The following RANBP2 variants were observed in gnomAD, a reference collection of about 807,000 sequenced individuals.
RANBP2 encodes E3 SUMO-protein ligase RanBP2.
RANBP2 carries 57 observed loss-of-function variants against 303.6 expected under a neutral mutation model. The observed-to-expected ratio is 0.19, with a 90% confidence interval of 0.15 to 0.23. The LOEUF is 0.23. Ranked by LOEUF, RANBP2 falls within the 10% of genes least tolerant of loss-of-function variation. RANBP2 has a pLI of 1.00. For synonymous variants in RANBP2, 1,167 were observed against 1,301.5 expected, an observed-to-expected ratio of 0.90 and a Z score of 2.23; for missense variants, 3,138 against 3,780.8, an observed-to-expected ratio of 0.83 and a Z score of 4.46.
chr2:108,723,372 C>G (rs1255084185), intron 1 of RANBP2, among the ~76,000 whole-genome samples: 1 of 151,756 alleles, frequency 6.6e-6, no homozygotes, highest in African/African-American at 2.4e-5. Context: ...CTCTGCCTCC[C>G]GGGTTCACAC....
the RANBP2 span, among the ~76,000 whole-genome samples, chr2:109,704,404 G>T: frequency 6.6e-5 from 10 of 152,172 alleles, no homozygotes; most frequent in East Asian, 1.9e-3. Context: ...AAAAACCTTA[G>T]CTGGGTGTGG....
chr2:109,388,601 A>G, the RANBP2 span, among the ~76,000 whole-genome samples: 2 of 152,266 alleles, frequency 1.3e-5, no homozygotes, highest in Non-Finnish European at 2.9e-5. Context: ...CCACTGCTGC[A>G]TGCACATGCA....
At chr2:108,813,947 A>G in the RANBP2 span, among the ~76,000 whole-genome samples, 7 of 152,288 alleles carry the variant, frequency 4.6e-5, no homozygotes, top group East Asian at 7.7e-4. Flanking sequence ...GCTCAATAGT[A>G]TTTCATTGTA....
intron 25 of RANBP2, among the ~76,000 whole-genome samples, chr2:108,779,178 T>G (rs115727479): frequency 0.024 from 3,679 of 152,154 alleles, 143 homozygotes; most frequent in African/African-American, 0.084. Flanking sequence ...TCTGTCTCTT[T>G]TTTTTGAGAC....
chr2:109,145,444 G>A, the RANBP2 span, among the ~76,000 whole-genome samples: 7 of 152,060 alleles, frequency 4.6e-5, no homozygotes, highest in African/African-American at 9.7e-5. Flanking sequence ...AAGACCGGTC[G>A]CCTTCACCAT....
the RANBP2 span, among the ~76,000 whole-genome samples, chr2:109,169,438 C>T: frequency 3.3e-4 from 50 of 152,032 alleles, no homozygotes; most frequent in Admixed American, 9.8e-4. Context: ...AGCTCAGCTC[C>T]CTGTGGTGGA....
chr2:109,626,394 A>G, the RANBP2 span, among the ~76,000 whole-genome samples: 4 of 152,108 alleles, frequency 2.6e-5, no homozygotes, highest in African/African-American at 9.7e-5. Context: ...ACTTGAACCC[A>G]GGAGGCGGAG....
the RANBP2 span, among the ~76,000 whole-genome samples, chr2:109,022,078 G>A: frequency 2.0e-5 from 3 of 152,206 alleles, no homozygotes; most frequent in Non-Finnish European, 4.4e-5. Context: ...CAGCTTGCTT[G>A]TTATATCTGG....
the RANBP2 span, among the ~76,000 whole-genome samples, chr2:109,706,155 C>T: frequency 1.4e-4 from 22 of 152,336 alleles, no homozygotes; most frequent in African/African-American, 4.8e-4. Context: ...CCTGTCTGTT[C>T]TTCTGCCCCT....
chr2:108,882,227 GA>G, the RANBP2 span: 105 of 151,866 alleles, frequency 6.9e-4, no homozygotes, highest in African/African-American at 2.5e-3. Context: ...AATAGTAACA[GA>G]AAAGTTTGAA....
the RANBP2 span, among the ~76,000 whole-genome samples, chr2:108,820,999 ATG>A: frequency 8.0e-6 from 1 of 125,560 alleles, no homozygotes; most frequent in Non-Finnish European, 1.7e-5. Flanking sequence ...CTTGCATAGA[ATG>A]TAACAGACAA....
the RANBP2 span, among the ~76,000 whole-genome samples, chr2:108,936,516 G>A: frequency 6.6e-6 from 1 of 152,064 alleles, no homozygotes; most frequent in Non-Finnish European, 1.5e-5. Context: ...CTCCTTCCCC[G>A]GCCTCCCACG....
the RANBP2 span, chr2:109,130,154 A>G: frequency 7.9e-7 from 1 of 1,270,994 alleles, no homozygotes; most frequent in Non-Finnish European, 9.9e-7. Context: ...GGCACGTGGG[A>G]GTGTGTGGGT....
At chr2:108,927,506 G>A in the RANBP2 span, among the ~76,000 whole-genome samples, 13 of 152,180 alleles carry the variant, frequency 8.5e-5, no homozygotes, top group South Asian at 1.2e-3. Flanking sequence ...AGGCCATAGA[G>A]TCAGCCCTGG....
the RANBP2 span, among the ~76,000 whole-genome samples, chr2:109,335,486 G>A: frequency 6.7e-4 from 102 of 152,146 alleles, no homozygotes; most frequent in Middle Eastern, 3.4e-3. Flanking sequence ...ACTAGCCCTC[G>A]CTCATCCACG....
the RANBP2 span, among the ~76,000 whole-genome samples, chr2:109,350,375 A>AT: frequency 6.6e-6 from 1 of 152,044 alleles, no homozygotes; most frequent in Non-Finnish European, 1.5e-5. Context: ...CATATCACAG[A>AT]TTCTTTGTTC....
the RANBP2 span, among the ~76,000 whole-genome samples, chr2:109,067,842 A>G: frequency 6.6e-6 from 1 of 152,122 alleles, no homozygotes; most frequent in Non-Finnish European, 1.5e-5. Flanking sequence ...TGCACCTGCA[A>G]GCCACCCTGC....
At chr2:109,185,984 G>A in the RANBP2 span, among the ~76,000 whole-genome samples, 1 of 152,310 alleles carries the variant, frequency 6.6e-6, no homozygotes, top group Non-Finnish European at 1.5e-5. Context: ...TGGCTGTCAC[G>A]AGCACATTTC....
chr2:109,758,357 G>A, the RANBP2 span, among the ~76,000 whole-genome samples: 1 of 74,896 alleles, frequency 1.3e-5, no homozygotes, highest in Non-Finnish European at 2.5e-5. Context: ...GCAGTGAGCC[G>A]AAATCATGCC....
Sources: gnomAD v4.1 joint callset for allele counts (sites outside exome capture counted in the v4.1 genomes callset) on GRCh38, gnomAD v4.1.1 for gene constraint, MANE v1.5 for transcripts, NCBI Gene and HGNC (gene_info 2026-07-23, HGNC 2026-07-21) for gene names.